TNFAIP8: variants seen among roughly 807,000 people sequenced by gnomAD.
The protein encoded by TNFAIP8 is tumor necrosis factor alpha-induced protein 8.
In TNFAIP8, 7 loss-of-function variants were observed where a neutral mutation model predicts 13.3. That is an observed-to-expected ratio of 0.52 (90% CI 0.30 to 0.99). The LOEUF (loss-of-function observed/expected upper bound fraction) is 0.99. Among genes scored for constraint, TNFAIP8 ranks in the 50% least tolerant of loss-of-function variants. The probability of loss-of-function intolerance (pLI) is 0.07; values close to 1 mark genes in which losing one functional copy is unlikely to be tolerated. For missense variants in TNFAIP8, 258 were observed against 236.9 expected, an observed-to-expected ratio of 1.09 and a Z score of -0.58; for synonymous variants, 94 against 87.6, an observed-to-expected ratio of 1.07 and a Z score of -0.41.
At chr5:119,317,781 G>C (rs1178350627) in intron 1 of TNFAIP8, among the ~76,000 whole-genome samples, 1 of 151,946 alleles carries the variant, frequency 6.6e-6, no homozygotes, top group Non-Finnish European at 1.5e-5. Context: ...AATTTTCGTA[G>C]AGACGGGGGT....
intron 1 of TNFAIP8, among the ~76,000 whole-genome samples, chr5:119,302,003 T>G (rs1749410275): frequency 2.0e-5 from 3 of 152,250 alleles, no homozygotes; most frequent in Non-Finnish European, 4.4e-5. Flanking sequence ...AGGTACCACT[T>G]TGATTACATA....
intron 1 of TNFAIP8, among the ~76,000 whole-genome samples, chr5:119,276,217 A>G (rs1348670492): frequency 1.3e-5 from 2 of 151,768 alleles, no homozygotes; most frequent in Non-Finnish European, 2.9e-5. Flanking sequence ...TCCCGGGTTC[A>G]AGCGAAGCTC....
intron 1 of TNFAIP8, among the ~76,000 whole-genome samples, chr5:119,363,742 T>G (rs1751721627): frequency 6.6e-6 from 1 of 152,222 alleles, no homozygotes; most frequent in Non-Finnish European, 1.5e-5. Flanking sequence ...TTAACTCATT[T>G]CTGACACTAA....
intron 1 of TNFAIP8, among the ~76,000 whole-genome samples, chr5:119,321,314 GT>G (rs112508072): frequency 6.6e-6 from 1 of 151,934 alleles, no homozygotes; most frequent in African/African-American, 2.4e-5. Context: ...GTTTGAATTG[GT>G]TTTTTTTGTT....
intron 1 of TNFAIP8, among the ~76,000 whole-genome samples, chr5:119,292,927 G>C (rs1270016805): frequency 6.6e-6 from 1 of 151,448 alleles, no homozygotes; most frequent in East Asian, 1.9e-4. Flanking sequence ...GGCTGCTGTG[G>C]GATGATGAAA....
At chr5:119,334,409 C>T (rs1034036219) in intron 1 of TNFAIP8, among the ~76,000 whole-genome samples, 8 of 151,788 alleles carry the variant, frequency 5.3e-5, no homozygotes, top group African/African-American at 1.9e-4. Flanking sequence ...TTTTTTGGAG[C>T]TTAAATTTAA....
Position 119,387,878 on chromosome 5 carries a change from A to AT in TNFAIP8, c.32-4929dup, listed in dbSNP as rs965310622. ...TTTTAATGTGGTGGTAATGCTTTGT[A>AT]TTTTTTTTTAAATACAGCATTATTC... is the stretch of plus-strand genomic sequence containing the variant. On this transcript the variant is annotated intron_variant, in intron 1 of 1. Coordinates refer to ENST00000504771, the MANE Select transcript of TNFAIP8 (RefSeq NM_014350.4). Among the ~76,000 whole-genome samples the AT allele has an allele frequency of 4.8e-3, 730 of 151,712 alleles. 2 individuals are homozygous for AT. Among genetic ancestry groups the AT allele is most frequent in the African/African-American group, 0.016 (666 of 41,416 alleles).
chr5:119,328,252 C>T (rs1750280627), intron 1 of TNFAIP8, among the ~76,000 whole-genome samples: 1 of 152,022 alleles, frequency 6.6e-6, no homozygotes, highest in East Asian at 1.9e-4. Flanking sequence ...CCCTTGTTTC[C>T]AAGAGACAAC....
chr5:119,277,503 G>A (rs1748493785), intron 1 of TNFAIP8, among the ~76,000 whole-genome samples: 1 of 152,014 alleles, frequency 6.6e-6, no homozygotes, highest in African/African-American at 2.4e-5. Context: ...GCGCACACTT[G>A]GCGTCTGTGT....
intron 1 of TNFAIP8, among the ~76,000 whole-genome samples, chr5:119,381,931 A>T (rs568302864): frequency 2.0e-5 from 3 of 151,352 alleles, no homozygotes; most frequent in East Asian, 1.9e-4. Flanking sequence ...CAAAAAAAAT[A>T]AAAAAAAACA....
chr5:119,286,328 A>T (rs1024037773), intron 1 of TNFAIP8, among the ~76,000 whole-genome samples: 25 of 152,014 alleles, frequency 1.6e-4, no homozygotes, highest in Admixed American at 1.4e-3. Flanking sequence ...AGTGTCTATT[A>T]AAAAAAAGTC....
At chr5:119,355,406 C>T, upstream of TNFAIP8, 1 of 701,140 alleles carries the variant, frequency 1.4e-6, no homozygotes, top group Non-Finnish European at 2.6e-6. Context: ...AGGGTGGAGG[C>T]CGCTCCACTT....
chr5:119,290,816 C>T (rs1748959603), intron 1 of TNFAIP8, among the ~76,000 whole-genome samples: 1 of 151,998 alleles, frequency 6.6e-6, no homozygotes, highest in African/African-American at 2.4e-5. Flanking sequence ...TGAGATAGGG[C>T]ATCAGGAGCA....
intron 1 of TNFAIP8, among the ~76,000 whole-genome samples, chr5:119,331,056 T>A (rs72786143): frequency 1.3e-5 from 2 of 152,108 alleles, no homozygotes; most frequent in African/African-American, 4.8e-5. Flanking sequence ...GCAGGGCTCC[T>A]AGGGCTGGAA....
At chr5:119,312,947 G>A (rs1749779827) in intron 1 of TNFAIP8, among the ~76,000 whole-genome samples, 1 of 152,048 alleles carries the variant, frequency 6.6e-6, no homozygotes, top group African/African-American at 2.4e-5. Context: ...AGGATAATCT[G>A]TACTTGGGAA....
At chr5:119,341,318 A>T (rs754030965) in intron 1 of TNFAIP8, among the ~76,000 whole-genome samples, 2 of 152,188 alleles carry the variant, frequency 1.3e-5, no homozygotes, top group African/African-American at 2.4e-5. Flanking sequence ...GAATGTGTAA[A>T]TAGTGCTCTA....
chr5:119,392,585 C>G (rs1011359873), intron 1 of TNFAIP8, among the ~76,000 whole-genome samples: 2 of 152,128 alleles, frequency 1.3e-5, no homozygotes, highest in Non-Finnish European at 2.9e-5. Context: ...CTCCTGATCT[C>G]AAGTGGTCTG....
chr5:119,366,414 T>C (rs976536342), intron 1 of TNFAIP8, among the ~76,000 whole-genome samples: 1 of 152,182 alleles, frequency 6.6e-6, no homozygotes, highest in African/African-American at 2.4e-5. Context: ...GATGTGACAT[T>C]GAGGAATGCT....
At chr5:119,339,098 C>G (rs1214028431) in intron 1 of TNFAIP8, among the ~76,000 whole-genome samples, 2 of 152,022 alleles carry the variant, frequency 1.3e-5, no homozygotes, top group African/African-American at 2.4e-5. Flanking sequence ...TGAGCTTCAT[C>G]CTGAATTGGC....
Sources: allele counts gnomAD v4.1 joint callset (sites outside exome capture counted in the v4.1 genomes callset), GRCh38; gene constraint gnomAD v4.1.1; transcripts MANE v1.5; gene names NCBI Gene and HGNC (gene_info 2026-07-23, HGNC 2026-07-21).